The following CPEB4 variants were observed in gnomAD, a reference collection of about 807,000 sequenced individuals.
CPEB4 encodes cytoplasmic polyadenylation element-binding protein 4.
In CPEB4, 12 loss-of-function variants were observed where a neutral mutation model predicts 72.5. The ratio of observed to expected loss-of-function variants is 0.17; its 90% CI spans 0.11 to 0.27. The LOEUF (loss-of-function observed/expected upper bound fraction) is 0.27, where lower values mean the gene tolerates loss of function less well. Among genes scored for constraint, CPEB4 ranks in the 10% least tolerant of loss-of-function variants. The probability of loss-of-function intolerance (pLI) is 1.00; values close to 1 mark genes in which losing one functional copy is unlikely to be tolerated. For missense variants in CPEB4, 614 were observed against 908.5 expected (o/e 0.68, Z 4.17); for synonymous variants, 302 against 326.3 (o/e 0.93, Z 0.80).
intron 2 of CPEB4, among the ~76,000 whole-genome samples, chr5:173,921,001 C>G (rs1476962869): frequency 5.9e-5 from 9 of 152,124 alleles, no homozygotes; most frequent in Non-Finnish European, 1.0e-4. Context: ...GAACCATGGG[C>G]CTCTTCAGCC....
chr5:173,910,178 C>T (rs6885516), intron 1 of CPEB4, among the ~76,000 whole-genome samples: 44,899 of 151,486 alleles, frequency 0.3, 6,948 homozygotes, highest in South Asian at 0.47. Context: ...AGCTTTGCCA[C>T]GTTTTTGCAA....
chr5:173,941,047 C>A (rs997736839), intron 3 of CPEB4, among the ~76,000 whole-genome samples: 2 of 152,184 alleles, frequency 1.3e-5, no homozygotes, highest in Non-Finnish European at 2.9e-5. Context: ...ATAATGGAAG[C>A]CATGAGAGTT....
intron 1 of CPEB4, among the ~76,000 whole-genome samples, chr5:173,909,395 G>A (rs1756557968): frequency 6.6e-6 from 1 of 152,172 alleles, no homozygotes; most frequent in Admixed American, 6.5e-5. Context: ...GGGAGGGACA[G>A]AACATGCTTC....
rs530132473 is a variant in CPEB4 at position 173,953,403 on chromosome 5, G to T, written c.1962+131G>T. 125 of 595,484 alleles carry T rather than the reference G, an allele frequency of 2.1e-4. No homozygotes were observed. The African/African-American group carries it at 2.2e-3, about 10-fold the overall frequency. 36.9% of individuals were successfully genotyped at this position (595,484 alleles called of 1,614,324 possible). A position where few individuals can be genotyped will look rare whatever the true frequency, so the allele number is the denominator to read the frequency against. Reference sequence around the variant, plus strand: ...AATTTTGCCTATAGAGTTAATTATGGTCTATAATACATGAAATAATGTCCT... The same window carrying T: ...AATTTTGCCTATAGAGTTAATTATGTTCTATAATACATGAAATAATGTCCT... On this transcript the variant is annotated intron_variant, in intron 9 of 9. Coordinates refer to ENST00000265085, the MANE Select transcript of CPEB4 (RefSeq NM_030627.4).
chr5:173,923,509 AC>A (rs1012414867), intron 2 of CPEB4, among the ~76,000 whole-genome samples: 1 of 151,982 alleles, frequency 6.6e-6, no homozygotes, highest in African/African-American at 2.4e-5. Context: ...AATTATTTTC[AC>A]CTTGGGGCCA....
chr5:173,893,445 C>A lies in CPEB4; in HGVS notation c.1125+2587C>A, dbSNP rs569786808. ...CAACTTGGGCAACATAGTGAGACCC[C>A]CGTCTCAAAAAAAAATAATTTATAA... On this transcript the variant is annotated intron_variant, in intron 1 of 9. Transcript: ENST00000265085. Among the ~76,000 whole-genome samples the A allele has an allele frequency of 2.0e-5, 3 of 151,702 alleles. No homozygotes were observed. The East Asian group carries it at 5.8e-4, about 29-fold the overall frequency.
At chr5:173,905,528 G>A (rs1197247373) in intron 1 of CPEB4, among the ~76,000 whole-genome samples, 2 of 151,814 alleles carry the variant, frequency 1.3e-5, no homozygotes, top group Admixed American at 1.3e-4. Context: ...CATGTTGTGG[G>A]CAGGCTGGTC....
chr5:173,913,311 T>G (rs1318143252), intron 2 of CPEB4, among the ~76,000 whole-genome samples: 1 of 151,956 alleles, frequency 6.6e-6, no homozygotes, highest in African/African-American at 2.4e-5. Flanking sequence ...AATTCTCCTG[T>G]CTCAGCCTCC....
At chr5:173,908,617 A>G (rs1756530528) in intron 1 of CPEB4, among the ~76,000 whole-genome samples, 1 of 152,212 alleles carries the variant, frequency 6.6e-6, no homozygotes, top group Non-Finnish European at 1.5e-5. Flanking sequence ...AAGCAGAAGA[A>G]TCATGTGGGG....
Position 173,890,824 on chromosome 5 carries a change from G to A in CPEB4, c.1091G>A (p.Ser364Asn), listed in dbSNP as rs755948694. The change falls in exon 1 of 10, where the codon AGC (serine) becomes AAC (asparagine). Residue 364 changes from serine to asparagine, a missense_variant. By Grantham distance (46) the Ser-to-Asn change is conservative. Transcript: ENST00000265085. ...AFAPKSWMED[S>N]LNRADNIFPF... is the part of the protein sequence containing the mutation. ...GCACCTAAATCCTGGATGGAAGATA[G>A]CTTGAACAGGGCTGACAACATTTTT... 1.2e-6 allele frequency: 2 copies of A among 1,613,730 alleles called. No homozygotes were observed. The highest frequency in any genetic ancestry group is 1.7e-6 in the Non-Finnish European group (2 of 1,179,816).
intron 2 of CPEB4, among the ~76,000 whole-genome samples, chr5:173,917,329 G>A (rs1295241057): frequency 6.6e-6 from 1 of 152,124 alleles, no homozygotes; most frequent in Non-Finnish European, 1.5e-5. Context: ...GTTTGCCTGT[G>A]GCAAAATAAG....
rs1026871440 is a variant in CPEB4 at position 173,956,338 on chromosome 5, C to T, written c.*201C>T. On this transcript the variant is annotated 3_prime_UTR_variant, in exon 10 of 10. Coordinates refer to ENST00000265085, the MANE Select transcript of CPEB4 (RefSeq NM_030627.4). Reference sequence around the variant, plus strand: ...CTGCAAACAATATGAACTCCTTTTTCGTATTGCCATCGGGTTGCATGGAAG... The same window carrying T: ...CTGCAAACAATATGAACTCCTTTTTTGTATTGCCATCGGGTTGCATGGAAG... 3 of 480,488 alleles carry T rather than the reference C, an allele frequency of 6.2e-6. No homozygotes were observed. The highest frequency in any genetic ancestry group is 3.9e-5 in the South Asian group (1 of 25,496). The allele number at this position is 480,488 out of a possible 1,614,324, so 29.8% of individuals were successfully genotyped here. A position where few individuals can be genotyped will look rare whatever the true frequency, so the allele number is the denominator to read the frequency against.
At chr5:173,931,980 C>T (rs971919422) in intron 2 of CPEB4, among the ~76,000 whole-genome samples, 6 of 152,192 alleles carry the variant, frequency 3.9e-5, no homozygotes, top group Non-Finnish European at 8.8e-5. Context: ...GTGAAATGTT[C>T]TTCTTCCCTC....
intron 6 of CPEB4, 81 bp downstream of exon 6, chr5:173,949,678 C>T: frequency 1.0e-6 from 1 of 976,786 alleles, no homozygotes; most frequent in Non-Finnish European, 1.6e-6. Flanking sequence ...TGTTCACCTT[C>T]ACTGTAAAAT....
At chr5:173,920,794 A>G (rs1412822792) in intron 2 of CPEB4, among the ~76,000 whole-genome samples, 1 of 152,212 alleles carries the variant, frequency 6.6e-6, no homozygotes, top group Admixed American at 6.5e-5. Flanking sequence ...CATGAATATC[A>G]TGTGATTCTG....
Position 173,890,473 on chromosome 5 carries a change from A to G in CPEB4, c.740A>G (p.Gln247Arg). Reference protein sequence around the residue: ...PHFQHHHSQHQQQRRSPASPH... With the variant: ...PHFQHHHSQHRQQRRSPASPH... ...TTCCAGCATCATCACAGCCAGCATC[A>G]GCAGCAAAGGAGGTCTCCTGCCAGT... The change falls in exon 1 of 10, where the codon CAG becomes CGG. Residue 247 changes from glutamine (Q) to arginine (R), a missense_variant. Around this residue, in one of 5 missense-constraint regions of CPEB4, gnomAD observed 458 missense variants for 548.6 expected, o/e 0.83. Transcript: ENST00000265085. The G allele has an allele frequency of 1.2e-6, 2 of 1,611,992 alleles. No individual in the cohort carries two copies. The highest frequency in any genetic ancestry group is 1.7e-6 in the Non-Finnish European group (2 of 1,178,846).
At position 173,960,195 on chromosome 5, in the gene CPEB4, C is replaced by G. The variant is rs770412188; in HGVS notation, c.*4058C>G. ...TTAAAAGAGTTCATTTGTTGAAGTG[C>G]TAGTGAAAAATTAATGTTATTAAAT... On this transcript the variant is annotated 3_prime_UTR_variant, in exon 10 of 10. Transcript: ENST00000265085. 3 of 152,406 alleles carry G rather than the reference C, an allele frequency of 2.0e-5. No homozygotes were observed. Among genetic ancestry groups the G allele is most frequent in the Non-Finnish European group, 4.4e-5 (3 of 68,000 alleles). The allele number at this position is 152,406 out of a possible 1,614,324, so 9.4% of individuals were successfully genotyped here.
chr5:173,932,047 C>CATA (rs1338869121), intron 2 of CPEB4, among the ~76,000 whole-genome samples: 1 of 152,190 alleles, frequency 6.6e-6, no homozygotes, highest in Non-Finnish European at 1.5e-5. Flanking sequence ...TACATGTAGG[C>CATA]ATAAGCCTGG....
intron 2 of CPEB4, among the ~76,000 whole-genome samples, chr5:173,915,759 GCTTATGAAATTGGTACTTGTTA>G: frequency 6.6e-6 from 1 of 152,226 alleles, no homozygotes; most frequent in Admixed American, 6.5e-5. Flanking sequence ...GTTTTTTCTC[GCTTATGAAATTGGTACTTGTTA>G]CTTAGAAATG....
Sources: allele counts gnomAD v4.1 joint callset (sites outside exome capture counted in the v4.1 genomes callset), GRCh38; gene constraint gnomAD v4.1.1; regional missense constraint gnomAD v4.1.1; transcripts MANE v1.5; gene names NCBI Gene and HGNC (gene_info 2026-07-23, HGNC 2026-07-21).